MYO1F: variants seen among roughly 807,000 people sequenced by gnomAD.
MYO1F encodes the protein myosin IF.
Under a neutral mutation model 146.6 loss-of-function variants are expected in MYO1F, and 60 were observed. The ratio of observed to expected loss-of-function variants is 0.41; its 90% CI spans 0.33 to 0.51. The LOEUF (loss-of-function observed/expected upper bound fraction) is 0.51, where lower values mean the gene tolerates loss of function less well. MYO1F is among the 20% of genes least tolerant of loss of function. The pLI, the probability that MYO1F is intolerant of heterozygous loss-of-function variation, is 0.25. For synonymous variants in MYO1F, 602 were observed against 602.1 expected, an observed-to-expected ratio of 1.00 and a Z score of 0.00; for missense variants, 1,274 against 1,534.3, an observed-to-expected ratio of 0.83 and a Z score of 2.83.
intron 12 of MYO1F, among the ~76,000 whole-genome samples, chr19:8,546,702 G>T (rs1366635261): frequency 6.6e-6 from 1 of 151,732 alleles, no homozygotes; most frequent in Non-Finnish European, 1.5e-5. Context: ...TTGAGACAGG[G>T]TCTCATTCTG....
chr19:8,536,136 T>C, intron 19 of MYO1F, 116 bp downstream of exon 19: 20 of 1,288,650 alleles, frequency 1.6e-5, no homozygotes, highest in Non-Finnish European at 2.0e-5. Context: ...TCTCAATCTA[T>C]CAGTCTTTCT....
At chr19:8,565,812 C>T (rs994606917) in intron 1 of MYO1F, among the ~76,000 whole-genome samples, 9 of 150,962 alleles carry the variant, frequency 6.0e-5, no homozygotes, top group East Asian at 2.0e-4. Context: ...AACACCTGGC[C>T]GGGTGGTGGC....
chr19:8,533,599 C>T (rs962965243), intron 19 of MYO1F, among the ~76,000 whole-genome samples: 7 of 150,468 alleles, frequency 4.7e-5, no homozygotes, highest in Admixed American at 1.3e-4. Context: ...CCTCATGATC[C>T]GCCTGCCTCG....
chr19:8,562,876 G>A (rs572491331), intron 1 of MYO1F, among the ~76,000 whole-genome samples: 22 of 152,222 alleles, frequency 1.4e-4, no homozygotes, highest in South Asian at 1.2e-3. Context: ...AAGTCATGCC[G>A]GTGGTGGCGT....
intron 14 of MYO1F, chr19:8,544,036 C>CGGTGGT (rs1973218822): frequency 1.5e-5 from 4 of 270,300 alleles, no homozygotes; most frequent in African/African-American, 6.7e-5. Flanking sequence ...GTGGCGGTGG[C>CGGTGGT]GGTGCTGGTG....
At chr19:8,552,266 C>CTT (rs367972902) in intron 6 of MYO1F, 102 bp from the exon 7 acceptor site, 54 of 1,120,308 alleles carry the variant, frequency 4.8e-5, no homozygotes, top group Middle Eastern at 2.9e-4. Flanking sequence ...TCCCTTCTTC[C>CTT]TTTTTTTTTT....
At chr19:8,535,961 A>G (rs2145851694) in intron 19 of MYO1F, among the ~76,000 whole-genome samples, 1 of 152,138 alleles carries the variant, frequency 6.6e-6, no homozygotes, top group Middle Eastern at 3.4e-3. Flanking sequence ...GATTACAGGC[A>G]TGAGCCACCG....
chr19:8,555,821 G>T (rs781219461), intron 1 of MYO1F, 25 bp from the exon 2 acceptor site: 1 of 1,603,086 alleles, frequency 6.2e-7, no homozygotes, highest in Non-Finnish European at 8.5e-7. Flanking sequence ...GGGGGTCGGG[G>T]TGAGCCCTTG....
chr19:8,525,448 A>G, intron 25 of MYO1F, 31 bp downstream of exon 25: 2 of 1,594,576 alleles, frequency 1.3e-6, no homozygotes, highest in Non-Finnish European at 1.7e-6. Flanking sequence ...ACAACAGACA[A>G]GGGAATATAG....
chr19:8,531,792 G>T (rs1568336669), intron 19 of MYO1F, among the ~76,000 whole-genome samples: 1 of 152,180 alleles, frequency 6.6e-6, no homozygotes, highest in Non-Finnish European at 1.5e-5. Flanking sequence ...AGGAACCAGT[G>T]TGCATCTTGG....
At chr19:8,567,647 GC>G (rs1241015164) in intron 1 of MYO1F, among the ~76,000 whole-genome samples, 1 of 152,198 alleles carries the variant, frequency 6.6e-6, no homozygotes, top group Non-Finnish European at 1.5e-5. Flanking sequence ...GTGAGCCACC[GC>G]ACCCATCCTG....
intron 19 of MYO1F, among the ~76,000 whole-genome samples, chr19:8,535,188 A>G (rs1972653183): frequency 6.6e-6 from 1 of 152,182 alleles, no homozygotes; most frequent in Non-Finnish European, 1.5e-5. Context: ...CTGAGATTAC[A>G]GGTGTGAGCC....
chr19:8,549,833 CT>C, intron 10 of MYO1F: 1 of 416,270 alleles, frequency 2.4e-6, no homozygotes, highest in South Asian at 2.4e-5. Context: ...CAGGGTCTTG[CT>C]CTGTCACCCA....
chr19:8,564,995 A>G (rs1484439966), intron 1 of MYO1F, among the ~76,000 whole-genome samples: 1 of 151,264 alleles, frequency 6.6e-6, no homozygotes, highest in Non-Finnish European at 1.5e-5. Context: ...CTCATCTCGA[A>G]CTCCCAACCT....
intron 21 of MYO1F, 116 bp from the exon 22 acceptor site, chr19:8,527,599 TC>T: frequency 7.6e-7 from 1 of 1,318,746 alleles, no homozygotes; most frequent in Non-Finnish European, 1.1e-6. Flanking sequence ...GTGGGAGCCC[TC>T]CAGGTGAAGG....
At chr19:8,552,266 CT>C (rs367972902) in intron 6 of MYO1F, 102 bp from the exon 7 acceptor site, 10,661 of 1,069,388 alleles carry the variant, frequency 1.0e-2, no homozygotes, top group Non-Finnish European at 0.011. Flanking sequence ...TCCCTTCTTC[CT>C]TTTTTTTTTG....
At chr19:8,559,868 A>G (rs190651878) in intron 1 of MYO1F, among the ~76,000 whole-genome samples, 1 of 150,052 alleles carries the variant, frequency 6.7e-6, no homozygotes, top group East Asian at 2.0e-4. Context: ...GAGAATCGCT[A>G]GAACCCAGGA....
rs201364078 is a variant in MYO1F, at chr19:8,553,361, C to T, written c.403G>A (p.Glu135Lys). ...GYISKVSGGG[E>K]KVQHVKDIIL... ...TTTCCTCGTCTCACCTGGACCTTCT[C>T]GCCTCCGCCAGACACCTTGGAGATG... The change falls in exon 5 of 28, where the codon GAG becomes AAG. Residue 135 changes from glutamate (E) to lysine (K), a missense_variant. By Grantham distance (56) the Glu-to-Lys change is moderately conservative. This residue lies in a region of MYO1F where 900 missense variants were observed against 1,155.1 expected (regional missense o/e 0.78). Transcript: ENST00000644032. 5.0e-6 allele frequency: 8 copies of T among 1,613,956 alleles called. No individual in the cohort carries two copies. Among genetic ancestry groups the T allele is most frequent in the East Asian group, 4.5e-5 (2 of 44,882 alleles).
At chr19:8,553,497 G>T (rs1599998675) in intron 4 of MYO1F, 60 bp from the exon 5 acceptor site, 4 of 1,395,958 alleles carry the variant, frequency 2.9e-6, no homozygotes, top group South Asian at 2.3e-5. Context: ...TTTAGTGCCT[G>T]ACCATTCATT....
Sources: allele counts gnomAD v4.1 joint callset (sites outside exome capture counted in the v4.1 genomes callset), GRCh38; gene constraint gnomAD v4.1.1; regional missense constraint gnomAD v4.1.1; transcripts MANE v1.5; gene names NCBI Gene and HGNC (gene_info 2026-07-23, HGNC 2026-07-21).